The following SLC2A6 variants were observed in gnomAD, a reference collection of about 807,000 sequenced individuals.
The protein encoded by SLC2A6 is solute carrier family 2, facilitated glucose transporter member 6.
Under a neutral mutation model 47.8 loss-of-function variants are expected in SLC2A6, and 39 were observed. The ratio of observed to expected loss-of-function variants is 0.82; its 90% CI spans 0.63 to 1.07. The LOEUF (loss-of-function observed/expected upper bound fraction) is 1.07. Ranked by LOEUF, SLC2A6 falls within the 50% of genes least tolerant of loss-of-function variation. The pLI is 0.00. For synonymous variants in SLC2A6, 346 were observed against 324.1 expected, an observed-to-expected ratio of 1.07 and a Z score of -0.73; for missense variants, 650 against 707.6, an observed-to-expected ratio of 0.92 and a Z score of 0.92.
intron 9 of SLC2A6, among the ~76,000 whole-genome samples, chr9:133,472,643 C>T (rs909673657): frequency 6.6e-6 from 1 of 152,212 alleles, no homozygotes; most frequent in Non-Finnish European, 1.5e-5. Flanking sequence ...CCCTAGCCAG[C>T]TTCTCCCTCA....
In SLC2A6 at chr9:133,477,324, C is replaced by T. The variant is rs1009844596; in HGVS notation, c.256-83G>A. 2.1e-4 allele frequency: 281 copies of T among 1,355,054 alleles called. 2 individuals carry two copies. The highest frequency in any genetic ancestry group is 2.1e-4 in the Non-Finnish European group (208 of 990,502). The allele number at this position is 1,355,054 out of a possible 1,614,324, so 83.9% of individuals were successfully genotyped here. A position where few individuals can be genotyped will look rare whatever the true frequency, so the allele number is the denominator to read the frequency against. ...TCAGAGTCCAGGGACAGCTTCTTCC[C>T]TAGGCCGACCCCAGGAGCTGGTCAA... is the stretch of plus-strand genomic sequence containing the variant. On this transcript the variant is annotated intron_variant, in intron 2 of 9. Transcript: ENST00000371899.
Position 133,471,884 on chromosome 9 carries a change from C to T in SLC2A6, c.*137G>A, listed in dbSNP as rs1843729602. 1 of 1,026,830 alleles carries T rather than the reference C, an allele frequency of 9.7e-7. No homozygotes were observed. The highest frequency in any genetic ancestry group is 2.5e-5 in the East Asian group (1 of 39,474). 63.6% of individuals were successfully genotyped at this position (1,026,830 alleles called of 1,614,324 possible). On this transcript the variant is annotated 3_prime_UTR_variant, in exon 10 of 10. Coordinates refer to ENST00000371899, the MANE Select transcript of SLC2A6 (RefSeq NM_017585.4). Reference sequence around the variant, plus strand: ...GAGCCAGGGGCACCCGCTGCTGAGGCCCCATCACACTGCTCTTCCTGTGCT... The same window carrying T: ...GAGCCAGGGGCACCCGCTGCTGAGGTCCCATCACACTGCTCTTCCTGTGCT...
In SLC2A6 at chr9:133,473,503, C is replaced by T; in HGVS notation, c.1134G>A (p.Glu378=). The T allele has an allele frequency of 6.2e-7, 1 of 1,602,212 alleles. No individual in the cohort carries two copies. The highest frequency in any genetic ancestry group is 1.1e-5 in the South Asian group (1 of 88,906). ...GGGGCTGCGCCAAGTCCCCCCAGGA[C>T]TCGCTTTCCAGGCCCGCAGTGCTGT... ...SPNSTAGLES[E]SWGDLAQPLA... The change falls in exon 8 of 10, where the codon GAG becomes GAA. Residue 378 remains glutamate, a synonymous_variant. Transcript: ENST00000371899.
At chr9:133,473,054 T>C in intron 9 of SLC2A6, 51 bp downstream of exon 9, 1 of 1,553,442 alleles carries the variant, frequency 6.4e-7, no homozygotes, top group Non-Finnish European at 8.7e-7. Flanking sequence ...AGAAGGGTCC[T>C]GGCCAGTCAG....
rs782001763 is a variant in SLC2A6, at chr9:133,478,985, C to T, written c.75G>A (p.Gly25=). 35 of 1,592,692 alleles carry T rather than the reference C, an allele frequency of 2.2e-5. No individual in the cohort carries two copies. Among genetic ancestry groups the T allele is most frequent in the Non-Finnish European group, 3.0e-5 (35 of 1,173,246 alleles). ...ACTCTCACCCGACCCGCGCCCTGTC[C>T]CCTGGCGACGGGGGCGGCTTCTCGG... The part of the protein sequence containing the change: ...TFPEKPPPSP[G]DRARVGTLQN... Residue 25 remains glycine (G), a synonymous_variant, in exon 1 of 10, where the codon GGG becomes GGA. Transcript: ENST00000371899.
chr9:133,477,622 G>C (rs1844008864), intron 2 of SLC2A6, among the ~76,000 whole-genome samples: 1 of 152,184 alleles, frequency 6.6e-6, no homozygotes. Context: ...CTAACTGGTA[G>C]TGGGACCTGG....
At position 133,478,984 on chromosome 9, in the gene SLC2A6, C is replaced by T. The variant is rs782374584; in HGVS notation, c.76G>A (p.Asp26Asn). The part of the protein sequence containing the change: ...FPEKPPPSPG[D>N]RARVGTLQNK... ...GACTCTCACCCGACCCGCGCCCTGT[C>T]CCCTGGCGACGGGGGCGGCTTCTCG... The change falls in exon 1 of 10, where the codon GAC (aspartate) becomes AAC (asparagine). Residue 26 changes from aspartate (D) to asparagine (N), a missense_variant. By Grantham distance (23) the Asp-to-Asn change is conservative (BLOSUM62 1). Transcript: ENST00000371899. 4 of 1,592,272 alleles carry T rather than the reference C, an allele frequency of 2.5e-6. No individual in the cohort carries two copies. The highest frequency in any genetic ancestry group is 3.4e-6 in the Non-Finnish European group (4 of 1,172,986).
Position 133,471,933 on chromosome 9 carries a change from C to T in SLC2A6, c.*88G>A. The T allele has an allele frequency of 6.8e-7, 1 of 1,460,730 alleles. No individual in the cohort carries two copies. Among genetic ancestry groups the T allele is most frequent in the Non-Finnish European group, 9.3e-7 (1 of 1,076,282 alleles). The allele number at this position is 1,460,730 out of a possible 1,614,324, so 90.5% of individuals were successfully genotyped here. On this transcript the variant is annotated 3_prime_UTR_variant, in exon 10 of 10. Transcript: ENST00000371899. ...CTCTGGCTGGTGGCAGGGATGACTG[C>T]TGCCTCTTGGTCCCAGGGTGCAGGT...
rs782055076 is a variant in SLC2A6 at position 133,474,034 on chromosome 9, T to A, written c.982A>T (p.Ile328Phe). The A allele has an allele frequency of 6.2e-7, 1 of 1,610,908 alleles. No individual in the cohort carries two copies. The highest frequency in any genetic ancestry group is 1.1e-5 in the South Asian group (1 of 90,760). Residue 328 changes from isoleucine (I) to phenylalanine (F), a missense_variant, in exon 7 of 10, where the codon ATC (isoleucine) becomes TTC (phenylalanine). Ile to Phe is a conservative substitution (Grantham distance 21). Transcript: ENST00000371899. Reference sequence around the variant, plus strand: ...GCGAGGTCCATGGTGAGGGCGGCGATCAGCACGGACAGGAGCCGCACGGCC... The same window carrying A: ...GCGAGGTCCATGGTGAGGGCGGCGAACAGCACGGACAGGAGCCGCACGGCC... Reference protein sequence around the residue: ...VGAVRLLSVLIAALTMDLAGR... With the variant: ...VGAVRLLSVLFAALTMDLAGR...
At position 133,471,689 on chromosome 9, in the gene SLC2A6, T is replaced by G. The variant is rs1056916841; in HGVS notation, c.*332A>C. 3.9e-6 allele frequency: 1 copy of G among 256,806 alleles called. No individual in the cohort carries two copies. The highest frequency in any genetic ancestry group is 7.5e-6 in the Non-Finnish European group (1 of 133,310). The allele number at this position is 256,806 out of a possible 1,614,324, so 15.9% of individuals were successfully genotyped here. A position where few individuals can be genotyped will look rare whatever the true frequency, so the allele number is the denominator to read the frequency against. On this transcript the variant is annotated 3_prime_UTR_variant, in exon 10 of 10. Transcript: ENST00000371899. The stretch of plus-strand genomic sequence containing the variant: ...TGTCCTCTCAGTCCTCCCCGTAGCC[T>G]TCTGTGGGGCGTGTCCTTCACGCAA...
chr9:133,478,284 A>T lies in SLC2A6; in HGVS notation c.225T>A (p.His75Gln). The T allele has an allele frequency of 1.9e-6, 3 of 1,614,060 alleles. No individual in the cohort carries two copies. Among genetic ancestry groups the T allele is most frequent in the Non-Finnish European group, 2.5e-6 (3 of 1,180,010 alleles). ...ACCAGGATGCCTGGGATTTGGTCAG[A>T]TGCAGGTCAGGATCCAAGGAGCGCT... Reference protein sequence around the residue: ...ALERSLDPDLHLTKSQASWFG... With the variant: ...ALERSLDPDLQLTKSQASWFG... The change falls in exon 2 of 10, where the codon CAT (histidine) becomes CAA (glutamine). Residue 75 changes from histidine to glutamine, a missense_variant. His to Gln is a conservative substitution (Grantham distance 24). Coordinates refer to ENST00000371899, the MANE Select transcript of SLC2A6 (RefSeq NM_017585.4).
chr9:133,478,948 C>T lies in SLC2A6; in HGVS notation c.92+20G>A. ...CCACCCCCAGGCCCCACCCGCAGCCCCCAACCTAGCGACTCTCACCCGACC... is the reference window on the plus strand; with the variant it reads ...CCACCCCCAGGCCCCACCCGCAGCCTCCAACCTAGCGACTCTCACCCGACC... On this transcript the variant is annotated intron_variant, in intron 1 of 9. Coordinates refer to ENST00000371899, the MANE Select transcript of SLC2A6 (RefSeq NM_017585.4). 1 of 1,546,862 alleles carries T rather than the reference C, an allele frequency of 6.5e-7. No homozygotes were observed. Among genetic ancestry groups the T allele is most frequent in the Non-Finnish European group, 8.7e-7 (1 of 1,150,114 alleles).
rs1554803348 is a variant in SLC2A6, at chr9:133,476,287, GC to G, written c.511del (p.Ala171ProfsTer37). 6.2e-7 allele frequency: 1 copy of G among 1,612,994 alleles called. No individual in the cohort carries two copies. Among genetic ancestry groups the G allele is most frequent in the Non-Finnish European group, 8.5e-7 (1 of 1,179,970 alleles). On this transcript the variant is annotated frameshift_variant, in exon 4 of 10. Coordinates refer to ENST00000371899, the MANE Select transcript of SLC2A6 (RefSeq NM_017585.4). LOFTEE classifies it high-confidence loss of function. ...GAACACTGCCATGAGCTGGGGTGTG[GC>G]CCCCAGAGCCCCACGAACGCCTGGG... ...APPGVRGALGATPQLMAVFGS... is the reference protein window; with the variant it reads ...APPGVRGALGXTPQLMAVFGS...
Position 133,476,322 on chromosome 9 carries a change from C to G in SLC2A6, c.477G>C (p.Glu159Asp). 1 of 1,613,004 alleles carries G rather than the reference C, an allele frequency of 6.2e-7. No individual in the cohort carries two copies. The highest frequency in any genetic ancestry group is 1.7e-4 in the Middle Eastern group (1 of 6,060). ...CCCCACGAACGCCTGGGGGAGCAAT[C>G]TCAGACACGTACACCTGCAAGACAC... is the stretch of plus-strand genomic sequence containing the variant. ...TAACIPVYVS[E>D]IAPPGVRGAL... The change falls in exon 4 of 10, where the codon GAG becomes GAC. Residue 159 changes from glutamate (E) to aspartate (D), a missense_variant. Coordinates refer to ENST00000371899, the MANE Select transcript of SLC2A6 (RefSeq NM_017585.4).
At chr9:133,476,095 G>C in intron 4 of SLC2A6, 142 bp downstream of exon 4, 1 of 669,182 alleles carries the variant, frequency 1.5e-6, no homozygotes, top group South Asian at 2.1e-5. Context: ...GGTGCTGACT[G>C]AGTGGGGCCG....
rs1467500719 is a variant in SLC2A6, at chr9:133,471,761, G to A, written c.*260C>T. 9.4e-6 allele frequency: 4 copies of A among 426,978 alleles called. No individual in the cohort carries two copies. The East Asian group carries it at 1.5e-4, about 16-fold the overall frequency. The allele number at this position is 426,978 out of a possible 1,614,324, so 26.4% of individuals were successfully genotyped here. A position where few individuals can be genotyped will look rare whatever the true frequency, so the allele number is the denominator to read the frequency against. ...GTCACCCAGCAGGGCCGTGTCCCTGGATGCAGGGTTGTATGCACTCCTGCG... is the reference window on the plus strand; with the variant it reads ...GTCACCCAGCAGGGCCGTGTCCCTGAATGCAGGGTTGTATGCACTCCTGCG... On this transcript the variant is annotated 3_prime_UTR_variant, in exon 10 of 10. Transcript: ENST00000371899.
rs782796220 is a variant in SLC2A6, at chr9:133,475,557, A to C, written c.617T>G (p.Ile206Ser). The C allele has an allele frequency of 1.2e-6, 2 of 1,609,468 alleles. No individual in the cohort carries two copies. Among genetic ancestry groups the C allele is most frequent in the South Asian group, 1.1e-5 (1 of 90,724 alleles). The change falls in exon 5 of 10, where the codon ATC (isoleucine) becomes AGC (serine). Residue 206 changes from isoleucine to serine, a missense_variant. Ile to Ser is a moderately radical substitution (Grantham distance 142). Transcript: ENST00000371899. ...LAVAGEAPVL[I>S]MILLLSFMPN... ...CATGAAGCTGAGCAGCAGGATCATG[A>C]TGAGCACAGGCGCCTCCCCGGCCAC...
At chr9:133,474,137 T>TC in intron 6 of SLC2A6, 49 bp from the exon 7 acceptor site, 1 of 1,440,322 alleles carries the variant, frequency 6.9e-7, no homozygotes. Flanking sequence ...GCTGTTCCCA[T>TC]CCCCCTCCAG....
In SLC2A6 at chr9:133,472,134, T is replaced by C; in HGVS notation, c.1411A>G (p.Ile471Val). The C allele has an allele frequency of 1.2e-6, 2 of 1,613,308 alleles. No individual in the cohort carries two copies. The highest frequency in any genetic ancestry group is 1.7e-6 in the Non-Finnish European group (2 of 1,179,882). The change falls in exon 10 of 10, where the codon ATC becomes GTC. Residue 471 changes from isoleucine to valine, a missense_variant. Ile to Val is a conservative substitution (Grantham distance 29). Coordinates refer to ENST00000371899, the MANE Select transcript of SLC2A6 (RefSeq NM_017585.4). ...GTGAACACCAGGCTCACCAAGCAGATGGCCGCGAAGAAGAAGAAAGGCACC... is the reference window on the plus strand; with the variant it reads ...GTGAACACCAGGCTCACCAAGCAGACGGCCGCGAAGAAGAAGAAAGGCACC... ...LQVPFFFFAA[I>V]CLVSLVFTGC...
Sources: gnomAD v4.1 joint callset for allele counts (sites outside exome capture counted in the v4.1 genomes callset) on GRCh38, gnomAD v4.1.1 for gene constraint, MANE v1.5 for transcripts, NCBI Gene and HGNC (gene_info 2026-07-23, HGNC 2026-07-21) for gene names.